The following FA2H variants were observed in gnomAD, a reference collection of about 807,000 sequenced individuals.
The protein encoded by FA2H is fatty acid 2-hydroxylase.
Under a neutral mutation model 44.9 loss-of-function variants are expected in FA2H, and 22 were observed. The observed-to-expected ratio is 0.49, with a 90% CI of 0.35 to 0.70. The LOEUF (loss-of-function observed/expected upper bound fraction) is 0.70, where lower values mean the gene tolerates loss of function less well. Ranked by LOEUF, FA2H falls within the 30% of genes least tolerant of loss-of-function variation. FA2H has a pLI of 0.01. For missense variants in FA2H, 501 were observed against 504.9 expected, an observed-to-expected ratio of 0.99 and a Z score of 0.07; for synonymous variants, 243 against 213.2, an observed-to-expected ratio of 1.14 and a Z score of -1.22.
intron 1 of FA2H, among the ~76,000 whole-genome samples, chr16:74,772,333 C>G (rs1479170941): frequency 6.6e-6 from 1 of 152,242 alleles, no homozygotes; most frequent in Non-Finnish European, 1.5e-5. Flanking sequence ...ATGTCGCTTT[C>G]TCAAGAAGGC....
Position 74,714,132 on chromosome 16 carries a change from TG to T in FA2H, c.*57del. On this transcript the variant is annotated 3_prime_UTR_variant, in exon 7 of 7. Coordinates refer to ENST00000219368, the MANE Select transcript of FA2H (RefSeq NM_024306.5). The stretch of plus-strand genomic sequence containing the variant: ...TTCTTAATGGGGTCTGAATGGCGGG[TG>T]GGGGTCGGGAAGGGGCCAGGGCCGG... 9.9e-7 allele frequency: 1 copy of T among 1,005,058 alleles called. No individual in the cohort carries two copies. Among genetic ancestry groups the T allele is most frequent in the Non-Finnish European group, 1.5e-6 (1 of 673,070 alleles). The allele number at this position is 1,005,058 out of a possible 1,614,324, so 62.3% of individuals were successfully genotyped here. A position where few individuals can be genotyped will look rare whatever the true frequency, so the allele number is the denominator to read the frequency against.
chr16:74,728,727 T>C (rs1046078772), intron 2 of FA2H, among the ~76,000 whole-genome samples: 13 of 152,180 alleles, frequency 8.5e-5, no homozygotes, highest in Non-Finnish European at 1.5e-5. Flanking sequence ...AACGACCCTA[T>C]TTCTATTGCT....
chr16:74,766,308 TAA>T (rs1178399123), intron 1 of FA2H, among the ~76,000 whole-genome samples: 3 of 110,850 alleles, frequency 2.7e-5, no homozygotes, highest in Non-Finnish European at 6.0e-5. Flanking sequence ...TCTGTCTCAA[TAA>T]AAAAAAAAAA....
rs35646878 is a variant in FA2H, at chr16:74,744,450, C to CT, written c.271-4336dup. ...ATTTGGAAATTATTCCAGATGATGCCTTTTTTTTTTTTTTTTTTTGAAACA... is the reference window on the plus strand; with the variant it reads ...ATTTGGAAATTATTCCAGATGATGCCTTTTTTTTTTTTTTTTTTTTGAAACA... On this transcript the variant is annotated intron_variant, in intron 1 of 6. Coordinates refer to ENST00000219368, the MANE Select transcript of FA2H (RefSeq NM_024306.5). Among the ~76,000 whole-genome samples, 1,159 of 129,524 alleles carry CT rather than the reference C, an allele frequency of 8.9e-3. 12 individuals carry two copies. The highest frequency in any genetic ancestry group is 0.023 in the South Asian group (93 of 4,004). The allele number at this position is 129,524 out of a possible 152,430, so 85.0% of individuals were successfully genotyped here. A position where few individuals can be genotyped will look rare whatever the true frequency, so the allele number is the denominator to read the frequency against.
chr16:74,762,295 G>A (rs188544921), intron 1 of FA2H, among the ~76,000 whole-genome samples: 50 of 151,988 alleles, frequency 3.3e-4, no homozygotes, highest in Non-Finnish European at 5.3e-4. Context: ...CACCCGCCTC[G>A]GCCTCCCAAA....
intron 1 of FA2H, among the ~76,000 whole-genome samples, chr16:74,770,906 G>A (rs975459361): frequency 2.0e-5 from 3 of 152,228 alleles, no homozygotes; most frequent in African/African-American, 2.4e-5. Flanking sequence ...TGAGCATACA[G>A]GTCAGAAGCA....
chr16:74,764,169 T>C (rs990320850), intron 1 of FA2H, among the ~76,000 whole-genome samples: 2 of 152,008 alleles, frequency 1.3e-5, no homozygotes, highest in Middle Eastern at 3.2e-3. Flanking sequence ...GTCATTAGAG[T>C]CTTCTGCCCA....
chr16:74,716,583 G>A lies in FA2H; in HGVS notation c.803C>T (p.Ser268Phe), dbSNP rs142644174. 3.2e-6 allele frequency: 5 copies of A among 1,573,628 alleles called. No homozygotes were observed. The African/African-American group carries it at 4.1e-5, about 13-fold the overall frequency. ...TGGCACAGGGGGGAAGACCAGGCGGGAGCCGTCGAAGGGTGCCTGCAGATG... is the reference window on the plus strand; with the variant it reads ...TGGCACAGGGGGGAAGACCAGGCGGAAGCCGTCGAAGGGTGCCTGCAGATG... ...GQHHKAPFDG[S>F]RLVFPPVPAS... The change falls in exon 6 of 7, where the codon TCC (serine) becomes TTC (phenylalanine). Residue 268 changes from serine to phenylalanine, a missense_variant. Physicochemically the swap from Ser to Phe is radical, Grantham distance 155 (BLOSUM62 -2). Coordinates refer to ENST00000219368, the MANE Select transcript of FA2H (RefSeq NM_024306.5).
At chr16:74,773,092 TC>T (rs1334913496) in intron 1 of FA2H, among the ~76,000 whole-genome samples, 1 of 152,098 alleles carries the variant, frequency 6.6e-6, no homozygotes, top group African/African-American at 2.4e-5. Flanking sequence ...CCCAGGCTGG[TC>T]TTGAACTCCT....
Position 74,770,074 on chromosome 16 carries a change from C to T in FA2H, c.270+4412G>A, listed in dbSNP as rs573999122. ...AGGATGCTCCCATCCAAGGGCTAAA[C>T]CAGCAGGACAGGGCCCTAGGAGGGG... On this transcript the variant is annotated intron_variant, in intron 1 of 6. Transcript: ENST00000219368. Among the ~76,000 whole-genome samples, 4 of 152,350 alleles carry T rather than the reference C, an allele frequency of 2.6e-5. No individual in the cohort carries two copies. The East Asian group carries it at 7.7e-4, about 29-fold the overall frequency.
intron 1 of FA2H, among the ~76,000 whole-genome samples, chr16:74,741,808 A>ATGTGTGTGTG (rs1208446986): frequency 2.9e-4 from 14 of 48,408 alleles, no homozygotes; most frequent in South Asian, 1.6e-3. Context: ...ATATATATAT[A>ATGTGTGTGTG]TGTGTGTGTG....
At chr16:74,749,307 G>A (rs916627965) in intron 1 of FA2H, among the ~76,000 whole-genome samples, 5 of 152,208 alleles carry the variant, frequency 3.3e-5, no homozygotes, top group African/African-American at 4.8e-5. Flanking sequence ...GCCTGTGGTG[G>A]CCTAAGAAAC....
intron 1 of FA2H, among the ~76,000 whole-genome samples, chr16:74,745,171 T>C (rs1962394978): frequency 6.6e-6 from 1 of 152,116 alleles, no homozygotes; most frequent in Non-Finnish European, 1.5e-5. Flanking sequence ...AGCTTGACAC[T>C]CTTGTGTTCA....
intron 2 of FA2H, among the ~76,000 whole-genome samples, chr16:74,737,983 T>C (rs191841306): frequency 6.6e-6 from 1 of 152,124 alleles, no homozygotes; most frequent in Non-Finnish European, 1.5e-5. Context: ...GCACCCTTTT[T>C]TGGAAAGTCA....
chr16:74,745,547 GGGTCAGCAGGCA>G (rs1161232251), intron 1 of FA2H, among the ~76,000 whole-genome samples: 1 of 152,226 alleles, frequency 6.6e-6, no homozygotes, highest in Non-Finnish European at 1.5e-5. Flanking sequence ...CAAGGAGACG[GGGTCAGCAGGCA>G]CTGCTCATTC....
chr16:74,751,721 T>C (rs1040794310), intron 1 of FA2H, among the ~76,000 whole-genome samples: 1 of 151,920 alleles, frequency 6.6e-6, no homozygotes, highest in Non-Finnish European at 1.5e-5. Flanking sequence ...TTGGGTGCCA[T>C]TATCCCAGAG....
chr16:74,746,370 T>C (rs917946505), intron 1 of FA2H, among the ~76,000 whole-genome samples: 5 of 96,090 alleles, frequency 5.2e-5, no homozygotes, highest in African/African-American at 1.9e-4. Context: ...ATTATTATTA[T>C]TATTATTATT....
At chr16:74,748,666 C>A (rs1006400714) in intron 1 of FA2H, among the ~76,000 whole-genome samples, 4 of 152,110 alleles carry the variant, frequency 2.6e-5, no homozygotes, top group African/African-American at 9.7e-5. Context: ...TTGGACGGCG[C>A]ACGGGGGAGA....
intron 2 of FA2H, among the ~76,000 whole-genome samples, chr16:74,731,616 G>A (rs1430942790): frequency 1.3e-5 from 2 of 151,870 alleles, no homozygotes; most frequent in Admixed American, 6.6e-5. Flanking sequence ...GACCTCTGAA[G>A]ATCAAATAAT....
Sources: allele counts gnomAD v4.1 joint callset (sites outside exome capture counted in the v4.1 genomes callset), GRCh38; gene constraint gnomAD v4.1.1; transcripts MANE v1.5; gene names NCBI Gene and HGNC (gene_info 2026-07-23, HGNC 2026-07-21).